Variants in APLF observed in about 807,000 individuals in gnomAD.
APLF encodes the protein aprataxin and PNK-like factor.
In APLF, 61 loss-of-function variants were observed where a neutral mutation model predicts 55.6. That is an observed-to-expected ratio of 1.10 (90% CI 0.89 to 1.36). APLF has a LOEUF of 1.36. Among genes scored for constraint, APLF ranks in the 40% most tolerant of loss-of-function variants. The pLI, the probability that APLF is intolerant of heterozygous loss-of-function variation, is 0.00. For missense variants in APLF, 611 were observed against 602.5 expected, an observed-to-expected ratio of 1.01 and a Z score of -0.15; for synonymous variants, 207 against 214.8, an observed-to-expected ratio of 0.96 and a Z score of 0.32.
At chr2:68,518,831 C>A (rs1669775229) in intron 5 of APLF, among the ~76,000 whole-genome samples, 1 of 122,586 alleles carries the variant, frequency 8.2e-6, no homozygotes, top group Non-Finnish European at 1.6e-5. Context: ...AGTAATATAT[C>A]ATTAATATGT....
intron 8 of APLF, among the ~76,000 whole-genome samples, chr2:68,547,100 A>G (rs1670728837): frequency 1.3e-5 from 2 of 151,800 alleles, no homozygotes. Context: ...TCCAGCATTA[A>G]CCGGTAAGAA....
chr2:68,556,589 CTTGTTGAA>C (rs900455015), intron 8 of APLF, among the ~76,000 whole-genome samples: 1 of 152,024 alleles, frequency 6.6e-6, no homozygotes, highest in Non-Finnish European at 1.5e-5. Flanking sequence ...CCTGTTCTTA[CTTGTTGAA>C]TTAAGCACTT....
At chr2:68,475,934 A>G (rs1009569448) in intron 1 of APLF, among the ~76,000 whole-genome samples, 1 of 151,794 alleles carries the variant, frequency 6.6e-6, no homozygotes, top group Non-Finnish European at 1.5e-5. Flanking sequence ...GTAGAAGGAA[A>G]TAATCTAATG....
intron 8 of APLF, among the ~76,000 whole-genome samples, chr2:68,558,253 T>G (rs900671977): frequency 3.9e-5 from 6 of 152,190 alleles, no homozygotes; most frequent in Non-Finnish European, 7.4e-5. Flanking sequence ...CTTTGTTATA[T>G]TTACTGTTAA....
chr2:68,518,138 TATA>T (rs202043592), intron 5 of APLF, among the ~76,000 whole-genome samples: 1,362 of 127,844 alleles, frequency 0.011, 5 homozygotes, highest in Middle Eastern at 0.023. Context: ...TATATTAATA[TATA>T]ATAATATATT....
At chr2:68,478,684 AC>A (rs1675858292) in intron 1 of APLF, among the ~76,000 whole-genome samples, 1 of 152,218 alleles carries the variant, frequency 6.6e-6, no homozygotes, top group African/African-American at 2.4e-5. Flanking sequence ...GTCTGTCTGA[AC>A]AGGTTTTTTA....
intron 1 of APLF, among the ~76,000 whole-genome samples, chr2:68,472,720 G>A (rs1675658345): frequency 6.6e-6 from 1 of 152,110 alleles, no homozygotes; most frequent in Non-Finnish European, 1.5e-5. Flanking sequence ...AAGGGCTTGC[G>A]TGGTTTAAGG....
chr2:68,536,005 C>T (rs1035009242), intron 6 of APLF, among the ~76,000 whole-genome samples: 1 of 152,282 alleles, frequency 6.6e-6, no homozygotes. Context: ...TGCTGATCTG[C>T]TCCACTGCTA....
chr2:68,488,604 G>C (rs1676260638), intron 1 of APLF, among the ~76,000 whole-genome samples: 1 of 151,906 alleles, frequency 6.6e-6, no homozygotes, highest in Admixed American at 6.5e-5. Flanking sequence ...CCAAAGTGCT[G>C]GGATTGCAGC....
At chr2:68,507,396 T>A (rs1176167832) in intron 3 of APLF, among the ~76,000 whole-genome samples, 1 of 151,946 alleles carries the variant, frequency 6.6e-6, no homozygotes, top group African/African-American at 2.4e-5. Flanking sequence ...GTTTTTTATA[T>A]AGTATTTAGA....
chr2:68,508,032 T>C (rs1017105216), intron 3 of APLF, among the ~76,000 whole-genome samples: 1 of 151,810 alleles, frequency 6.6e-6, no homozygotes, highest in African/African-American at 2.4e-5. Context: ...TTATAATTAT[T>C]TAAAATGTAG....
At chr2:68,554,345 AT>A (rs1392804524) in intron 8 of APLF, among the ~76,000 whole-genome samples, 6 of 152,044 alleles carry the variant, frequency 3.9e-5, no homozygotes, top group Non-Finnish European at 8.8e-5. Flanking sequence ...CATTGTTAAC[AT>A]TTTCTGTGAC....
At chr2:68,495,974 A>T (rs1201949773) in intron 2 of APLF, among the ~76,000 whole-genome samples, 5 of 152,260 alleles carry the variant, frequency 3.3e-5, no homozygotes, top group African/African-American at 1.2e-4. Context: ...CCTGGGACTA[A>T]CCCATGAGAT....
intron 5 of APLF, among the ~76,000 whole-genome samples, chr2:68,518,990 T>A (rs1189528421): frequency 9.3e-6 from 1 of 107,476 alleles, no homozygotes; most frequent in Non-Finnish European, 1.7e-5. Flanking sequence ...ATATACAATA[T>A]CTGATAATAT....
In APLF at chr2:68,538,290, C is replaced by T. The variant is rs1030657629; in HGVS notation, c.1160+63C>T. On this transcript the variant is annotated intron_variant, in intron 7 of 9. Coordinates refer to ENST00000303795, the MANE Select transcript of APLF (RefSeq NM_173545.3). ...TTGATAGCGTGTAGCTATGTAGATACATGCTACAGTATATTAAAAACTTAA... is the reference window on the plus strand; with the variant it reads ...TTGATAGCGTGTAGCTATGTAGATATATGCTACAGTATATTAAAAACTTAA... The T allele has an allele frequency of 6.5e-6, 9 of 1,392,824 alleles. No homozygotes were observed. In the East Asian group the frequency reaches 7.0e-5, roughly 11 times the overall value. The allele number at this position is 1,392,824 out of a possible 1,614,324, so 86.3% of individuals were successfully genotyped here.
intron 5 of APLF, among the ~76,000 whole-genome samples, chr2:68,516,919 CATT>C (rs1431846697): frequency 4.9e-4 from 59 of 120,100 alleles, no homozygotes; most frequent in Non-Finnish European, 8.2e-4. Context: ...TCCTATATAA[CATT>C]ATATATAATA....
intron 5 of APLF, among the ~76,000 whole-genome samples, chr2:68,514,080 G>C (rs745440971): frequency 1.5e-4 from 22 of 151,614 alleles, no homozygotes; most frequent in Non-Finnish European, 2.4e-4. Context: ...CTAATTTGCT[G>C]TTAAGTCTAT....
At chr2:68,478,766 G>A (rs1308757085) in intron 1 of APLF, among the ~76,000 whole-genome samples, 1 of 152,118 alleles carries the variant, frequency 6.6e-6, no homozygotes, top group Non-Finnish European at 1.5e-5. Context: ...AGGAAGAGAA[G>A]TGAGCACTGG....
intron 5 of APLF, among the ~76,000 whole-genome samples, chr2:68,516,948 A>G (rs1186223678): frequency 7.9e-6 from 1 of 125,828 alleles, no homozygotes; most frequent in Non-Finnish European, 1.6e-5. Flanking sequence ...TATAATATAT[A>G]TAATATAATA....
Sources: allele counts gnomAD v4.1 joint callset (sites outside exome capture counted in the v4.1 genomes callset), GRCh38; gene constraint gnomAD v4.1.1; transcripts MANE v1.5; gene names NCBI Gene and HGNC (gene_info 2026-07-23, HGNC 2026-07-21).